ELFN1: variants seen among roughly 807,000 people sequenced by gnomAD.
ELFN1 encodes the protein protein ELFN1.
ELFN1 carries 6 observed loss-of-function variants against 7.6 expected under a neutral mutation model. That is an observed-to-expected ratio of 0.79 (90% CI 0.43 to 1.56). ELFN1 has a LOEUF of 1.56. Ranked by LOEUF, ELFN1 falls within the 40% of genes most tolerant of loss-of-function variation. ELFN1 has a pLI of 0.01. For synonymous variants in ELFN1, 657 were observed against 588.1 expected, an observed-to-expected ratio of 1.12 and a Z score of -1.70; for missense variants, 1,169 against 1,232.2, an observed-to-expected ratio of 0.95 and a Z score of 0.77.
intron 1 of ELFN1, among the ~76,000 whole-genome samples, chr7:1,684,298 A>T (rs895709792): frequency 1.3e-5 from 2 of 152,154 alleles, no homozygotes; most frequent in Non-Finnish European, 2.9e-5. Flanking sequence ...ACTAAAATGT[A>T]CCCCTTCTAG....
At chr7:1,741,893 C>T (rs554935653) in intron 3 of ELFN1, among the ~76,000 whole-genome samples, 37 of 152,198 alleles carry the variant, frequency 2.4e-4, no homozygotes, top group African/African-American at 7.7e-4. Context: ...CTGCCCAGGG[C>T]CCCAGTGAGC....
chr7:1,733,089 T>C (rs778797164), intron 3 of ELFN1, among the ~76,000 whole-genome samples: 8 of 152,026 alleles, frequency 5.3e-5, no homozygotes, highest in Non-Finnish European at 8.8e-5. Flanking sequence ...TTAGTAGAGA[T>C]GGGGTTTCAC....
chr7:1,709,778 T>A (rs887722907), intron 3 of ELFN1, among the ~76,000 whole-genome samples: 1 of 152,252 alleles, frequency 6.6e-6, no homozygotes, highest in African/African-American at 2.4e-5. Flanking sequence ...AATAGGCAGG[T>A]GGAGGTCTCC....
rs370696462 is a variant in ELFN1, at chr7:1,745,888, T to C, written c.1292T>C (p.Leu431Pro). Reference sequence around the variant, plus strand: ...CTGGGCTGCCTCTTCGGCATGGTGCTGGTGCTGGGCGCCGTCTACTACTGC... The same window carrying C: ...CTGGGCTGCCTCTTCGGCATGGTGCCGGTGCTGGGCGCCGTCTACTACTGC... ...TILGCLFGMV[L>P]VLGAVYYCLR... The change falls in exon 4 of 4, where the codon CTG becomes CCG. Residue 431 changes from leucine to proline, a missense_variant. Leu to Pro is a moderately conservative substitution (Grantham distance 98). Coordinates refer to ENST00000424383, the MANE Select transcript of ELFN1 (RefSeq NM_001128636.4). 19 of 1,591,168 alleles carry C rather than the reference T, an allele frequency of 1.2e-5. No individual in the cohort carries two copies. The highest frequency in any genetic ancestry group is 1.5e-5 in the Non-Finnish European group (18 of 1,170,330).
chr7:1,669,509 C>T (rs1016178555), upstream of ELFN1, among the ~76,000 whole-genome samples: 1 of 152,236 alleles, frequency 6.6e-6, no homozygotes, highest in African/African-American at 2.4e-5. Context: ...GCCCCTGGGG[C>T]TCTGCCTTCG....
At chr7:1,722,153 G>A (rs1780042038) in intron 3 of ELFN1, among the ~76,000 whole-genome samples, 1 of 152,164 alleles carries the variant, frequency 6.6e-6, no homozygotes, top group Non-Finnish European at 1.5e-5. Flanking sequence ...AACAAGTACA[G>A]GTGCTTGGCC....
chr7:1,669,865 CCCCACCCA>C (rs1160350932), upstream of ELFN1, among the ~76,000 whole-genome samples: 30 of 135,290 alleles, frequency 2.2e-4, no homozygotes, highest in African/African-American at 2.9e-4. Context: ...CCCCCACTCC[CCCCACCCA>C]CCCACCCACC....
In ELFN1 at chr7:1,719,176, C is replaced by T. The variant is rs941869085; in HGVS notation, c.-294+9924C>T. ...AGGGCCCCGCCCACCAACAGGGCCC[C>T]GCCCACCAACAGGACCCAAGCCACC... On this transcript the variant is annotated intron_variant, in intron 3 of 3. Transcript: ENST00000424383. 5.4e-3 allele frequency among the ~76,000 whole-genome samples: 758 copies of T among 140,688 alleles called. 1 individual carries two copies. Among genetic ancestry groups the T allele is most frequent in the Non-Finnish European group, 7.6e-3 (500 of 65,880 alleles). The allele number at this position is 140,688 out of a possible 152,430, so 92.3% of individuals were successfully genotyped here. A position where few individuals can be genotyped will look rare whatever the true frequency, so the allele number is the denominator to read the frequency against.
intron 3 of ELFN1, among the ~76,000 whole-genome samples, chr7:1,733,958 A>G (rs552589453): frequency 9.2e-5 from 14 of 152,296 alleles, no homozygotes; most frequent in African/African-American, 3.4e-4. Context: ...GAACAGGGAC[A>G]GAATCTGCAA....
intron 2 of ELFN1, chr7:1,692,932 G>A (rs1025263605): frequency 4.2e-5 from 9 of 216,702 alleles, no homozygotes; most frequent in African/African-American, 6.6e-5. Context: ...TGCAGGGAAC[G>A]GCAGGGACCT....
At chr7:1,721,655 G>A (rs1583368816) in intron 3 of ELFN1, among the ~76,000 whole-genome samples, 1 of 152,184 alleles carries the variant, frequency 6.6e-6, no homozygotes, top group African/African-American at 2.4e-5. Flanking sequence ...TCAGTCCATC[G>A]GGTGTTTCCT....
At position 1,698,409 on chromosome 7, in the gene ELFN1, G is replaced by A. The variant is rs576832658; in HGVS notation, c.-456+10259G>A. On this transcript the variant is annotated intron_variant, in intron 2 of 3. Coordinates refer to ENST00000424383, the MANE Select transcript of ELFN1 (RefSeq NM_001128636.4). The stretch of plus-strand genomic sequence containing the variant: ...GCACGTCAGCTTCCTGTCGGGTGAG[G>A]AATGGTTGGGCCACAGCAGAGAGAA... 1.1e-4 allele frequency among the ~76,000 whole-genome samples: 17 copies of A among 152,320 alleles called. No individual in the cohort carries two copies. The East Asian group carries it at 3.3e-3, about 29-fold the overall frequency.
chr7:1,740,727 C>T lies in ELFN1; in HGVS notation c.-293-3577C>T, dbSNP rs1307314776. Among the ~76,000 whole-genome samples, 3 of 152,210 alleles carry T rather than the reference C, an allele frequency of 2.0e-5. No individual in the cohort carries two copies. The highest frequency in any genetic ancestry group is 4.4e-5 in the Non-Finnish European group (3 of 68,026). ...CACCTGTCCAGCCTCTCCCCCCCGG[C>T]CCCTGACAGGAGGCTGCACAGGGCT... On this transcript the variant is annotated intron_variant, in intron 3 of 3. Coordinates refer to ENST00000424383, the MANE Select transcript of ELFN1 (RefSeq NM_001128636.4). This position sits in a 1 kb window ranked among gnomAD's most constrained non-coding sequence, Gnocchi z 5.0.
chr7:1,701,831 A>G (rs1023456860), intron 2 of ELFN1, among the ~76,000 whole-genome samples: 1 of 152,154 alleles, frequency 6.6e-6, no homozygotes, highest in African/African-American at 2.4e-5. Context: ...TGTATTATAT[A>G]TACATATTTT....
intron 1 of ELFN1, among the ~76,000 whole-genome samples, chr7:1,677,735 G>A (rs545708417): frequency 1.8e-4 from 27 of 152,058 alleles, no homozygotes; most frequent in Non-Finnish European, 2.9e-4. Flanking sequence ...AATTCCTTCC[G>A]TCTGAGGGTT....
Position 1,745,379 on chromosome 7 carries a change from GC to G in ELFN1, c.788del (p.Pro263HisfsTer97). On this transcript the variant is annotated frameshift_variant, in exon 4 of 4. Transcript: ENST00000424383. LOFTEE classifies it low-confidence loss of function (END_TRUNC). ...ACTCGTACGCGGCTGAGGTGGTCGG[GC>G]CCCCACGTCCAGCATCCGGGCGCTC... ...EDSYAAEVVG[P>X]PRPASGRSQP... 2 of 1,538,922 alleles carry G rather than the reference GC, an allele frequency of 1.3e-6. No individual in the cohort carries two copies.
rs561886039 is a variant in ELFN1 at position 1,745,364 on chromosome 7, G to T, written c.768G>T (p.Ala256=). ...LQSVCTEDSY[A]AEVVGPPRPA... ...CAGTCTGCACCGAGGACTCGTACGCGGCTGAGGTGGTCGGGCCCCCACGTC... is the reference window on the plus strand; with the variant it reads ...CAGTCTGCACCGAGGACTCGTACGCTGCTGAGGTGGTCGGGCCCCCACGTC... Residue 256 remains alanine, a synonymous_variant, in exon 4 of 4, where the codon GCG becomes GCT. Transcript: ENST00000424383. The T allele has an allele frequency of 6.5e-7, 1 of 1,539,302 alleles. No individual in the cohort carries two copies. The highest frequency in any genetic ancestry group is 8.7e-7 in the Non-Finnish European group (1 of 1,146,094).
At position 1,714,323 on chromosome 7, in the gene ELFN1, G is replaced by A. The variant is rs117605903; in HGVS notation, c.-294+5071G>A. Among the ~76,000 whole-genome samples the A allele has an allele frequency of 4.7e-3, 708 of 152,210 alleles. 5 individuals are homozygous for A. The highest frequency in any genetic ancestry group is 0.014 in the Middle Eastern group (4 of 294). ...AGCCCTGCCCGCTCCCCCTGCCCGG[G>A]ACAGACTGTCCTTCAAAGCAGCAGT... is the stretch of plus-strand genomic sequence containing the variant. On this transcript the variant is annotated intron_variant, in intron 3 of 3. Transcript: ENST00000424383.
At chr7:1,704,627 C>T (rs897230569) in intron 2 of ELFN1, among the ~76,000 whole-genome samples, 14 of 152,068 alleles carry the variant, frequency 9.2e-5, no homozygotes, top group African/African-American at 2.2e-4. Flanking sequence ...ACCTGGGGTA[C>T]GCAGTCAGAT....
Sources: gnomAD v4.1 joint callset for allele counts (sites outside exome capture counted in the v4.1 genomes callset) on GRCh38, gnomAD v4.1.1 for gene constraint, Gnocchi (gnomAD v3.1) non-coding constraint, MANE v1.5 for transcripts, NCBI Gene and HGNC (gene_info 2026-07-23, HGNC 2026-07-21) for gene names.